RAD51C: variants seen among roughly 807,000 people sequenced by gnomAD.
The protein encoded by RAD51C is DNA repair protein RAD51 homolog 3.
In RAD51C, 42 loss-of-function variants were observed where a neutral mutation model predicts 45.0. The observed-to-expected ratio is 0.93, with a 90% CI of 0.73 to 1.21. The LOEUF is 1.21. Ranked by LOEUF, RAD51C falls within the 50% of genes most tolerant of loss-of-function variation. The pLI, the probability that RAD51C is intolerant of heterozygous loss-of-function variation, is 0.00. For synonymous variants in RAD51C, 172 were observed against 159.8 expected, an observed-to-expected ratio of 1.08 and a Z score of -0.58; for missense variants, 474 against 452.2, an observed-to-expected ratio of 1.05 and a Z score of -0.44.
At chr17:58,728,469 C>G (rs1265118748) in intron 7 of RAD51C, among the ~76,000 whole-genome samples, 1 of 149,036 alleles carries the variant, frequency 6.7e-6, no homozygotes. Context: ...GCAATCTCAG[C>G]TCACTGCAAC....
rs1479360028 is a variant in RAD51C at position 58,724,074 on chromosome 17, AATCTTTC to A, written c.942_948del (p.Phe315GlyfsTer47). The A allele has an allele frequency of 3.1e-6, 5 of 1,613,378 alleles. No individual in the cohort carries two copies. The highest frequency in any genetic ancestry group is 4.2e-6 in the Non-Finnish European group (5 of 1,179,332). On this transcript the variant is annotated frameshift_variant, in exon 7 of 9. Transcript: ENST00000337432. LOFTEE classifies it high-confidence loss of function. ...GGGGACATGCTGCTACAATACGGCT[AATCTTTC>A]ATTGGGACCGAAAGCAAAGGTCAGT...
At chr17:58,702,410 C>T (rs981052519) in intron 3 of RAD51C, among the ~76,000 whole-genome samples, 6 of 151,896 alleles carry the variant, frequency 4.0e-5, no homozygotes, top group Non-Finnish European at 8.8e-5. Flanking sequence ...TAGATCAGGT[C>T]GGGTGTGGTG....
intron 1 of RAD51C, 95 bp from the exon 2 acceptor site, chr17:58,694,836 C>A (rs1426447721): frequency 6.9e-6 from 8 of 1,166,766 alleles, no homozygotes; most frequent in Non-Finnish European, 9.0e-6. Flanking sequence ...CTCCTAGCAT[C>A]ACTGTTGTCT....
intron 7 of RAD51C, among the ~76,000 whole-genome samples, chr17:58,727,819 T>C (rs2049226916): frequency 6.6e-6 from 1 of 151,670 alleles, no homozygotes. Context: ...TCTAGCTGTT[T>C]GGGAGGCCAG....
At chr17:58,731,216 A>T (rs971699088) in intron 7 of RAD51C, among the ~76,000 whole-genome samples, 2 of 151,302 alleles carry the variant, frequency 1.3e-5, no homozygotes, top group Non-Finnish European at 2.9e-5. Context: ...GCTATTGTGA[A>T]TAAGTTACAG....
At chr17:58,697,909 T>C (rs573877531) in intron 3 of RAD51C, among the ~76,000 whole-genome samples, 1 of 151,988 alleles carries the variant, frequency 6.6e-6, no homozygotes, top group East Asian at 2.0e-4. Flanking sequence ...ACAGGGTTTC[T>C]CCATGTTGAT....
At chr17:58,712,335 A>G (rs1321981393) in intron 5 of RAD51C, among the ~76,000 whole-genome samples, 2 of 116,846 alleles carry the variant, frequency 1.7e-5, no homozygotes, top group East Asian at 4.9e-4. Flanking sequence ...AGAGAGCAAC[A>G]CTCCATCTCA....
intron 5 of RAD51C, among the ~76,000 whole-genome samples, chr17:58,712,987 A>G (rs771914692): frequency 5.9e-5 from 9 of 152,050 alleles, no homozygotes; most frequent in Non-Finnish European, 1.3e-4. Flanking sequence ...TTAGCCAAGC[A>G]TAGTGGCATG....
intron 7 of RAD51C, 52 bp from the exon 8 acceptor site, chr17:58,732,432 T>G: frequency 6.7e-7 from 1 of 1,502,024 alleles, no homozygotes; most frequent in Non-Finnish European, 9.3e-7. Flanking sequence ...TCTGAACTTT[T>G]AATTAATTAA....
At chr17:58,726,288 A>G (rs1485983596) in intron 7 of RAD51C, among the ~76,000 whole-genome samples, 1 of 151,182 alleles carries the variant, frequency 6.6e-6, no homozygotes, top group Non-Finnish European at 1.5e-5. Flanking sequence ...CAGAAAGGTT[A>G]ACTGAATAAG....
chr17:58,707,521 GA>G lies in RAD51C; in HGVS notation c.706-2325del, dbSNP rs151116540. Among the ~76,000 whole-genome samples the G allele has an allele frequency of 7.7e-3, 992 of 128,398 alleles. 14 individuals are homozygous for G. The East Asian group carries it at 0.081, about 10-fold the overall frequency. The allele number at this position is 128,398 out of a possible 152,430, so 84.2% of individuals were successfully genotyped here. Reference sequence around the variant, plus strand: ...TGGGCAACAGAGCGAGACTCCATCTGAAAAAAAAAAAAAGCCTCACCAGAAT... The same window carrying G: ...TGGGCAACAGAGCGAGACTCCATCTGAAAAAAAAAAAAGCCTCACCAGAAT... On this transcript the variant is annotated intron_variant, in intron 4 of 8. Coordinates refer to ENST00000337432, the MANE Select transcript of RAD51C (RefSeq NM_058216.3).
intron 8 of RAD51C, 123 bp downstream of exon 8, chr17:58,732,667 G>A: frequency 1.1e-6 from 1 of 896,530 alleles, no homozygotes; most frequent in Non-Finnish European, 1.8e-6. Context: ...GACAGCTTTT[G>A]ATGCTTAGAA....
At chr17:58,716,005 T>C (rs1021363406) in intron 5 of RAD51C, among the ~76,000 whole-genome samples, 1 of 150,892 alleles carries the variant, frequency 6.6e-6, no homozygotes, top group Non-Finnish European at 1.5e-5. Context: ...CTTGGGAGGC[T>C]GAGGCAGGAA....
chr17:58,703,787 T>A (rs774303739), intron 4 of RAD51C, among the ~76,000 whole-genome samples: 18 of 151,692 alleles, frequency 1.2e-4, no homozygotes, highest in Non-Finnish European at 2.2e-4. Flanking sequence ...AGTAAGACAT[T>A]GTCCCCACCA....
chr17:58,708,801 C>T (rs2048457569), intron 4 of RAD51C, among the ~76,000 whole-genome samples: 1 of 151,926 alleles, frequency 6.6e-6, no homozygotes, highest in Admixed American at 6.6e-5. Context: ...AACTCCTGAC[C>T]TCGTGATCCA....
intron 1 of RAD51C, chr17:58,693,048 C>T (rs1598450749): frequency 3.9e-6 from 2 of 506,554 alleles, no homozygotes; most frequent in African/African-American, 1.9e-5. Context: ...TCTCATTTAA[C>T]CCTCAACCCG....
chr17:58,731,681 T>G (rs940389006), intron 7 of RAD51C, among the ~76,000 whole-genome samples: 1 of 152,238 alleles, frequency 6.6e-6, no homozygotes, highest in Non-Finnish European at 1.5e-5. Context: ...ATTAATTGTA[T>G]AAGACATAAT....
intron 5 of RAD51C, among the ~76,000 whole-genome samples, chr17:58,716,512 G>C (rs1267119060): frequency 6.6e-6 from 1 of 152,076 alleles, no homozygotes; most frequent in Non-Finnish European, 1.5e-5. Flanking sequence ...GCCCAGGCTG[G>C]AGTGCAGTGG....
chr17:58,710,341 A>AC (rs1555599367), intron 5 of RAD51C, among the ~76,000 whole-genome samples: 8 of 147,860 alleles, frequency 5.4e-5, no homozygotes, highest in Non-Finnish European at 1.0e-4. Context: ...AAAAAAAAAA[A>AC]CCAAAAATTA....
Sources: gnomAD v4.1 joint callset for allele counts (sites outside exome capture counted in the v4.1 genomes callset) on GRCh38, gnomAD v4.1.1 for gene constraint, MANE v1.5 for transcripts, NCBI Gene and HGNC (gene_info 2026-07-23, HGNC 2026-07-21) for gene names.